AP4E1: variants seen among roughly 807,000 people sequenced by gnomAD.
The protein encoded by AP4E1 is AP-4 complex subunit epsilon-1.
A neutral mutation model predicts 128.2 loss-of-function variants in AP4E1; 56 were observed. That is an observed-to-expected ratio of 0.44 (90% CI 0.35 to 0.55). AP4E1 has a LOEUF of 0.55. Among genes scored for constraint, AP4E1 ranks in the 20% least tolerant of loss-of-function variants. The pLI, the probability that AP4E1 is intolerant of heterozygous loss-of-function variation, is 0.00. For synonymous variants in AP4E1, 484 were observed against 473.1 expected (o/e 1.02, Z -0.30); for missense variants, 1,324 against 1,307.7 (o/e 1.01, Z -0.19).
At chr15:50,953,554 C>T (rs1338264794) in intron 13 of AP4E1, among the ~76,000 whole-genome samples, 1 of 152,218 alleles carries the variant, frequency 6.6e-6, no homozygotes, top group Non-Finnish European at 1.5e-5. Context: ...ATGCTGTATA[C>T]ACTACCTGCC....
Position 50,958,513 on chromosome 15 carries a change from C to G in AP4E1, c.1570C>G (p.Leu524Val). The G allele has an allele frequency of 6.2e-7, 1 of 1,612,696 alleles. No individual in the cohort carries two copies. Among genetic ancestry groups the G allele is most frequent in the Non-Finnish European group, 8.5e-7 (1 of 1,179,288 alleles). Reference protein sequence around the residue: ...MSWVLGEYSYLLDKETPEEVI... With the variant: ...MSWVLGEYSYVLDKETPEEVI... ...ACAGGTATTAGGGGAATATTCCTAC[C>G]TCTTAGATAAGGAAACGCCAGAGGA... The change falls in exon 14 of 21, where the codon CTC becomes GTC. Residue 524 changes from leucine (L) to valine (V), a missense_variant. Leu to Val is a conservative substitution (Grantham distance 32, BLOSUM62 1). Transcript: ENST00000261842.
rs2064995862 is a variant in AP4E1, at chr15:51,004,238, G to GT, written c.*1576_*1577insT. ...GGGGTGTGGTGGACACTGGTAGCTA[G>GT]CCTTATCAGCTCCCTCCTTATTCCT... On this transcript the variant is annotated 3_prime_UTR_variant, in exon 21 of 21. Coordinates refer to ENST00000261842, the MANE Select transcript of AP4E1 (RefSeq NM_007347.5). 1 of 152,176 alleles carries GT rather than the reference G, an allele frequency of 6.6e-6. No individual in the cohort carries two copies. Among genetic ancestry groups the GT allele is most frequent in the Non-Finnish European group, 1.5e-5 (1 of 68,046 alleles). 9.4% of individuals were successfully genotyped at this position (152,176 alleles called of 1,614,324 possible).
chr15:51,001,854 A>G (rs535087033), intron 20 of AP4E1, among the ~76,000 whole-genome samples: 1 of 152,152 alleles, frequency 6.6e-6, no homozygotes, highest in Admixed American at 6.5e-5. Context: ...CAGAAGTGGA[A>G]TTGGTGGATT....
intron 8 of AP4E1, among the ~76,000 whole-genome samples, chr15:50,938,051 A>G (rs2063931202): frequency 6.6e-6 from 1 of 152,004 alleles, no homozygotes; most frequent in African/African-American, 2.4e-5. Flanking sequence ...TTTTTTTCTC[A>G]CTAATTTCAC....
intron 20 of AP4E1, 115 bp from the exon 21 acceptor site, chr15:51,002,387 T>A (rs2064974962): frequency 9.3e-7 from 1 of 1,074,884 alleles, no homozygotes; most frequent in African/African-American, 1.5e-5. Flanking sequence ...TCCTTAGTGG[T>A]TAGTGATATT....
At chr15:50,977,165 G>A (rs1050700139) in intron 15 of AP4E1, among the ~76,000 whole-genome samples, 2 of 152,092 alleles carry the variant, frequency 1.3e-5, no homozygotes, top group African/African-American at 4.8e-5. Flanking sequence ...AAAAGCTCCT[G>A]GGTTTCCACA....
At chr15:50,990,203 T>C (rs902142369) in intron 16 of AP4E1, among the ~76,000 whole-genome samples, 1 of 152,046 alleles carries the variant, frequency 6.6e-6, no homozygotes, top group African/African-American at 2.4e-5. Flanking sequence ...ATAATAGTAT[T>C]GTCAAAATCC....
intron 14 of AP4E1, among the ~76,000 whole-genome samples, chr15:50,964,955 C>CCACACACACACACACACACA (rs55825810): frequency 0.012 from 1,540 of 131,388 alleles, 27 homozygotes; most frequent in East Asian, 0.021. Flanking sequence ...CCTCCCCCTA[C>CCACACACACACACACACACA]CACACACACA....
At chr15:50,983,058 A>G (rs1440781315) in intron 15 of AP4E1, among the ~76,000 whole-genome samples, 1 of 152,248 alleles carries the variant, frequency 6.6e-6, no homozygotes, top group Non-Finnish European at 1.5e-5. Flanking sequence ...TTAGCCAATT[A>G]AAAAATAAAG....
rs2064264927 is a variant in AP4E1 at position 50,958,575 on chromosome 15, C to T, written c.1632C>T (p.Asp544=). ...AGCTCTACAAGTTACTTATGAATGA[C>T]TCTGTGTCTTCAGAAACAAAAGCCT... is the stretch of plus-strand genomic sequence containing the variant. The part of the protein sequence containing the change: ...IAKLYKLLMN[D]SVSSETKAWL... The change falls in exon 14 of 21, where the codon GAC becomes GAT. Residue 544 remains aspartate (D), a synonymous_variant. Transcript: ENST00000261842. 2 of 1,614,090 alleles carry T rather than the reference C, an allele frequency of 1.2e-6. No individual in the cohort carries two copies. The highest frequency in any genetic ancestry group is 1.7e-6 in the Non-Finnish European group (2 of 1,180,002).
chr15:51,004,611 A>C lies in AP4E1; in HGVS notation c.*1949A>C, dbSNP rs1219944925. The C allele has an allele frequency of 6.6e-6, 1 of 152,602 alleles. No individual in the cohort carries two copies. The allele number at this position is 152,602 out of a possible 1,614,324, so 9.5% of individuals were successfully genotyped here. A position where few individuals can be genotyped will look rare whatever the true frequency, so the allele number is the denominator to read the frequency against. On this transcript the variant is annotated 3_prime_UTR_variant, in exon 21 of 21. Coordinates refer to ENST00000261842, the MANE Select transcript of AP4E1 (RefSeq NM_007347.5). ...TGGTAGATTTAGGGCTGGGAGCATGATTTTGGGTCTGCCCAAAGGAACATG... is the reference window on the plus strand; with the variant it reads ...TGGTAGATTTAGGGCTGGGAGCATGCTTTTGGGTCTGCCCAAAGGAACATG...
chr15:50,922,541 C>G (rs527475819), intron 3 of AP4E1, among the ~76,000 whole-genome samples: 32 of 152,246 alleles, frequency 2.1e-4, no homozygotes, highest in African/African-American at 7.0e-4. Context: ...ACACAGACAG[C>G]ATGGATGCTG....
At chr15:50,999,825 T>C (rs2064935182) in intron 19 of AP4E1, among the ~76,000 whole-genome samples, 1 of 151,764 alleles carries the variant, frequency 6.6e-6, no homozygotes, top group South Asian at 2.1e-4. Context: ...TGGCAGTAGG[T>C]ATATCTCCTA....
intron 15 of AP4E1, among the ~76,000 whole-genome samples, chr15:50,974,526 C>T (rs1248673119): frequency 6.6e-6 from 1 of 152,052 alleles, no homozygotes; most frequent in African/African-American, 2.4e-5. Flanking sequence ...CTTGACGTTG[C>T]AAAGCACTGG....
At chr15:50,921,955 G>A (rs2063708356) in intron 3 of AP4E1, among the ~76,000 whole-genome samples, 1 of 151,942 alleles carries the variant, frequency 6.6e-6, no homozygotes, top group African/African-American at 2.4e-5. Context: ...CCTTGATATT[G>A]GTGACTTGGG....
At chr15:50,940,196 C>G (rs1180667773) in intron 8 of AP4E1, among the ~76,000 whole-genome samples, 1 of 152,160 alleles carries the variant, frequency 6.6e-6, no homozygotes, top group African/African-American at 2.4e-5. Flanking sequence ...AGAGTAAAGA[C>G]ATTTTATAGC....
intron 2 of AP4E1, among the ~76,000 whole-genome samples, chr15:50,912,982 A>C (rs2063582991): frequency 6.6e-6 from 1 of 151,952 alleles, no homozygotes; most frequent in Non-Finnish European, 1.5e-5. Flanking sequence ...TTTTTTTTTA[A>C]ATGAGATTTT....
At chr15:50,919,107 G>C (rs1399595010) in intron 3 of AP4E1, among the ~76,000 whole-genome samples, 2 of 152,054 alleles carry the variant, frequency 1.3e-5, no homozygotes, top group African/African-American at 4.8e-5. Context: ...GTGGGTGCCT[G>C]TAGTCCCAGC....
intron 15 of AP4E1, 134 bp downstream of exon 15, chr15:50,968,511 C>T (rs1014459924): frequency 7.0e-5 from 55 of 788,030 alleles, no homozygotes; most frequent in African/African-American, 6.5e-4. Context: ...ATTTGTTTGC[C>T]GTGACTAGGT....
Sources: gnomAD v4.1 joint callset for allele counts (sites outside exome capture counted in the v4.1 genomes callset) on GRCh38, gnomAD v4.1.1 for gene constraint, MANE v1.5 for transcripts, NCBI Gene and HGNC (gene_info 2026-07-23, HGNC 2026-07-21) for gene names.